The following PCDHA4 variants were observed in gnomAD, a reference collection of about 807,000 sequenced individuals.
PCDHA4 encodes the protein protocadherin alpha 4.
PCDHA4 carries 49 observed loss-of-function variants against 61.4 expected under a neutral mutation model. That is an observed-to-expected ratio of 0.80 (90% CI 0.63 to 1.01). The LOEUF (loss-of-function observed/expected upper bound fraction) is 1.01, where lower values mean the gene tolerates loss of function less well. Among genes scored for constraint, PCDHA4 ranks in the 50% least tolerant of loss-of-function variants. The pLI is 0.00. For synonymous variants in PCDHA4, 590 were observed against 550.3 expected, an observed-to-expected ratio of 1.07 and a Z score of -1.01; for missense variants, 1,254 against 1,235.8, an observed-to-expected ratio of 1.01 and a Z score of -0.22.
intron 1 of PCDHA4, chr5:140,870,462 G>A (rs181856615): frequency 6.4e-4 from 1,040 of 1,614,196 alleles, no homozygotes; most frequent in Non-Finnish European, 8.0e-4. Flanking sequence ...ATGCGCCTGC[G>A]TTCGCACAGC....
rs2150220578 is a variant in PCDHA4 at position 140,834,540 on chromosome 5, G to A, written c.2385+24968G>A. ...CGTGGGCCGCATCGCGCAGGACCTG[G>A]GGCTGGAGCTGGCGGAGCTGGTGCC... On this transcript the variant is annotated intron_variant, in intron 1 of 3. Transcript: ENST00000530339. The A allele has an allele frequency of 7.4e-6, 12 of 1,614,082 alleles. No individual in the cohort carries two copies. The Admixed American group carries it at 1.0e-4, about 13-fold the overall frequency.
intron 1 of PCDHA4, among the ~76,000 whole-genome samples, chr5:140,959,969 C>T (rs1203367528): frequency 6.6e-6 from 1 of 152,104 alleles, no homozygotes; most frequent in African/African-American, 2.4e-5. Context: ...GTAGATGTTA[C>T]TGAAAGAAGA....
intron 1 of PCDHA4, chr5:140,876,900 G>T: frequency 1.2e-6 from 2 of 1,614,114 alleles, no homozygotes; most frequent in East Asian, 2.2e-5. Context: ...ACATCTTCAC[G>T]GTGTCGGCAT....
Position 140,843,872 on chromosome 5 carries a change from G to A in PCDHA4, c.2385+34300G>A, listed in dbSNP as rs2150367258. ...TTTTATAATTAATTGAATTTTCTCA[G>A]TGGCATAATACAGTATTAATCATTC... On this transcript the variant is annotated intron_variant, in intron 1 of 3. Transcript: ENST00000530339. The A allele has an allele frequency of 1.5e-4, 121 of 801,174 alleles. 7 individuals carry two copies. The highest frequency in any genetic ancestry group is 2.3e-4 in the Non-Finnish European group (116 of 509,628). The allele number at this position is 801,174 out of a possible 1,614,324, so 49.6% of individuals were successfully genotyped here.
At chr5:140,867,981 A>G (rs1451119630) in intron 1 of PCDHA4, 5 of 152,162 alleles carry the variant, frequency 3.3e-5, no homozygotes, top group African/African-American at 4.8e-5. Context: ...CAAGAAACAA[A>G]CTATTTTCAT....
intron 1 of PCDHA4, chr5:140,830,587 T>G (rs1554132940): frequency 1.3e-6 from 1 of 755,644 alleles, no homozygotes; most frequent in East Asian, 3.3e-5. Flanking sequence ...TTTAATTAAT[T>G]TTACAAAATT....
intron 1 of PCDHA4, chr5:140,834,510 A>C: frequency 1.2e-6 from 2 of 1,614,108 alleles, no homozygotes; most frequent in Non-Finnish European, 1.7e-6. Flanking sequence ...TAAACATGGC[A>C]ACTTCGTGGG....
At chr5:140,903,982 T>G (rs782635653) in intron 1 of PCDHA4, among the ~76,000 whole-genome samples, 5 of 152,232 alleles carry the variant, frequency 3.3e-5, no homozygotes, top group African/African-American at 4.8e-5. Flanking sequence ...CTATTCACAA[T>G]GTAACAGCTA....
At chr5:140,813,489 C>A (rs1213235742) in intron 1 of PCDHA4, 4 of 152,110 alleles carry the variant, frequency 2.6e-5, no homozygotes, top group African/African-American at 9.7e-5. Flanking sequence ...ATCTAAACAT[C>A]TAAAAGGTAC....
chr5:140,926,698 C>G, intron 1 of PCDHA4: 2 of 787,702 alleles, frequency 2.5e-6, no homozygotes, highest in Non-Finnish European at 3.6e-6. Context: ...AAGCCCGGCT[C>G]CCAGCTGGCC....
chr5:140,967,997 C>T (rs551685820), intron 1 of PCDHA4: 1 of 1,614,102 alleles, frequency 6.2e-7, no homozygotes, highest in Non-Finnish European at 8.5e-7. Flanking sequence ...ACTGCCTTTC[C>T]GACTGAATGG....
intron 1 of PCDHA4, chr5:140,882,457 G>C: frequency 1.2e-6 from 2 of 1,614,056 alleles, no homozygotes; most frequent in Non-Finnish European, 1.7e-6. Context: ...TGCCGCGCCT[G>C]TTCCGGGTGG....
intron 1 of PCDHA4, chr5:140,929,973 G>A (rs955255771): frequency 6.6e-6 from 1 of 152,136 alleles, no homozygotes; most frequent in Non-Finnish European, 1.5e-5. Context: ...TTTGGTGAAG[G>A]TGTCTTCTTT....
chr5:141,000,395 C>CTCTA (rs1213762225), intron 3 of PCDHA4, among the ~76,000 whole-genome samples: 16 of 53,972 alleles, frequency 3.0e-4, no homozygotes, highest in East Asian at 6.1e-4. Context: ...CTCTCTCTCT[C>CTCTA]TATATATATA....
intron 1 of PCDHA4, chr5:140,829,132 C>G (rs138194639): frequency 1.2e-6 from 2 of 1,612,864 alleles, no homozygotes; most frequent in African/African-American, 2.7e-5. Context: ...ATGATAACGT[C>G]CCTGAGATAG....
At chr5:140,879,757 C>T (rs1312451493) in intron 1 of PCDHA4, among the ~76,000 whole-genome samples, 1 of 152,212 alleles carries the variant, frequency 6.6e-6, no homozygotes, top group African/African-American at 2.4e-5. Context: ...GCTATACTCT[C>T]TTTGGAGGCC....
At chr5:140,874,310 T>G (rs1466164009) in intron 1 of PCDHA4, among the ~76,000 whole-genome samples, 1 of 151,992 alleles carries the variant, frequency 6.6e-6, no homozygotes, top group Non-Finnish European at 1.5e-5. Context: ...TCACAATGAG[T>G]TGTAGGATCT....
At position 140,823,444 on chromosome 5, in the gene PCDHA4, G is replaced by A. The variant is rs201739706; in HGVS notation, c.2385+13872G>A. Reference sequence around the variant, plus strand: ...GACGCTGCAGGTGTTCGTGCTGGACGAGAACGACAACGCGCCGGCGCTGCT... The same window carrying A: ...GACGCTGCAGGTGTTCGTGCTGGACAAGAACGACAACGCGCCGGCGCTGCT... On this transcript the variant is annotated intron_variant, in intron 1 of 3. Transcript: ENST00000530339. 34 of 1,613,290 alleles carry A rather than the reference G, an allele frequency of 2.1e-5. No homozygotes were observed. Among genetic ancestry groups the A allele is most frequent in the African/African-American group, 5.3e-5 (4 of 74,920 alleles).
At chr5:140,841,924 C>T (rs1199272696) in intron 1 of PCDHA4, 2 of 1,613,772 alleles carry the variant, frequency 1.2e-6, no homozygotes, top group African/African-American at 2.7e-5. Context: ...AATCCTTGGA[C>T]AGAGAGGACG....
Sources: gnomAD v4.1 joint callset for allele counts (sites outside exome capture counted in the v4.1 genomes callset) on GRCh38, gnomAD v4.1.1 for gene constraint, MANE v1.5 for transcripts, NCBI Gene and HGNC (gene_info 2026-07-23, HGNC 2026-07-21) for gene names.